Variants in INTS4 observed in about 807,000 individuals in gnomAD.
INTS4 encodes the protein MSTP093.
INTS4 carries 70 observed loss-of-function variants against 119.5 expected under a neutral mutation model. That is an observed-to-expected ratio of 0.59 (90% confidence interval 0.48 to 0.71). INTS4 has a LOEUF of 0.71. Ranked by LOEUF, INTS4 falls within the 30% of genes least tolerant of loss-of-function variation. INTS4 has a pLI of 0.00. For missense variants in INTS4, 867 were observed against 1,173.2 expected (o/e 0.74, Z 3.81); for synonymous variants, 316 against 419.6 (o/e 0.75, Z 3.02).
intron 15 of INTS4, chr11:77,911,058 T>G: frequency 7.8e-7 from 1 of 1,289,000 alleles, no homozygotes; most frequent in Non-Finnish European, 1.0e-6. Context: ...AACCGTCCAC[T>G]GGACTATGAC....
chr11:77,941,458 CTT>C (rs35544689), intron 8 of INTS4, among the ~76,000 whole-genome samples: 2 of 138,446 alleles, frequency 1.4e-5, no homozygotes, highest in Admixed American at 7.3e-5. Flanking sequence ...ACCTACTGTG[CTT>C]TTTTTTTTTT....
At chr11:77,897,345 A>G (rs1952568272) in intron 18 of INTS4, among the ~76,000 whole-genome samples, 1 of 151,444 alleles carries the variant, frequency 6.6e-6, no homozygotes, top group East Asian at 1.9e-4. Flanking sequence ...TTTAAAAATA[A>G]AAAATATTTT....
chr11:77,910,522 A>G (rs993975979), intron 15 of INTS4, among the ~76,000 whole-genome samples: 62 of 152,022 alleles, frequency 4.1e-4, no homozygotes, highest in African/African-American at 1.4e-3. Context: ...CAGCACACCA[A>G]CATGGCACAT....
chr11:77,966,056 C>T (rs764061734), intron 4 of INTS4, among the ~76,000 whole-genome samples: 5 of 152,104 alleles, frequency 3.3e-5, no homozygotes, highest in Non-Finnish European at 7.4e-5. Flanking sequence ...TGCATTTTCC[C>T]GACGCTTAGT....
intron 2 of INTS4, chr11:77,987,828 A>C (rs776325137): frequency 6.3e-6 from 2 of 318,212 alleles, no homozygotes; most frequent in Non-Finnish European, 1.3e-5. Context: ...GGCAGTGATC[A>C]CGCCATTGCA....
chr11:77,941,088 A>C, intron 9 of INTS4, 92 bp downstream of exon 9: 3 of 1,505,378 alleles, frequency 2.0e-6, no homozygotes, highest in Non-Finnish European at 2.7e-6. Flanking sequence ...TAATTTAACA[A>C]ATGCTGCTAA....
At chr11:77,886,876 C>A (rs1046947481) in intron 21 of INTS4, among the ~76,000 whole-genome samples, 2 of 152,080 alleles carry the variant, frequency 1.3e-5, no homozygotes, top group African/African-American at 4.8e-5. Flanking sequence ...TGAAGGCAGA[C>A]ATAAAGATAT....
rs559740557 is a variant in INTS4 at position 77,941,637 on chromosome 11, G to C, written c.919-386C>G. 8.8e-4 allele frequency among the ~76,000 whole-genome samples: 133 copies of C among 151,984 alleles called. No homozygotes were observed. In the Middle Eastern group the frequency reaches 0.01, roughly 12 times the overall value. ...CGCCACCATGCCCGGCTAATTTTTT[G>C]TATTTGTATTTGTAATTGTAATTTT... On this transcript the variant is annotated intron_variant, in intron 8 of 22. Coordinates refer to ENST00000534064, the MANE Select transcript of INTS4 (RefSeq NM_033547.4).
chr11:77,984,209 G>A (rs1355053726), intron 2 of INTS4, among the ~76,000 whole-genome samples: 1 of 152,034 alleles, frequency 6.6e-6, no homozygotes, highest in Non-Finnish European at 1.5e-5. Context: ...AATGTAGAAT[G>A]AGACCGGGCA....
chr11:77,971,180 T>C (rs1855715862), intron 4 of INTS4, among the ~76,000 whole-genome samples: 1 of 152,236 alleles, frequency 6.6e-6, no homozygotes, highest in Admixed American at 6.5e-5. Flanking sequence ...TTATCTTTTT[T>C]CTATATCTAT....
chr11:77,977,733 A>T (rs1403556591), intron 4 of INTS4, among the ~76,000 whole-genome samples: 1 of 151,274 alleles, frequency 6.6e-6, no homozygotes, highest in Non-Finnish European at 1.5e-5. Context: ...TTTAAAGCAG[A>T]TTTAAGAAAC....
At chr11:77,935,360 T>C (rs1360466515) in intron 10 of INTS4, among the ~76,000 whole-genome samples, 1 of 152,112 alleles carries the variant, frequency 6.6e-6, no homozygotes, top group African/African-American at 2.4e-5. Context: ...GTTGAGAAGA[T>C]TGAGCTAGGA....
At chr11:77,922,582 A>G in intron 12 of INTS4, 111 bp from the exon 13 acceptor site, 1 of 679,184 alleles carries the variant, frequency 1.5e-6, no homozygotes, top group Non-Finnish European at 2.5e-6. Flanking sequence ...ATTCTCAACC[A>G]TATACTTTTG....
chr11:77,957,663 CTTTTTTTTTTTT>C (rs1159914263), intron 7 of INTS4, among the ~76,000 whole-genome samples: 2 of 110,706 alleles, frequency 1.8e-5, no homozygotes, highest in Admixed American at 9.9e-5. Flanking sequence ...AACTGAACTT[CTTTTTTTTTTTT>C]TTTTTTTTTG....
intron 4 of INTS4, chr11:77,978,755 A>T (rs1856058832): frequency 8.8e-6 from 2 of 226,068 alleles, no homozygotes; most frequent in Middle Eastern, 1.6e-3. Flanking sequence ...ACTGAATACA[A>T]AGCACCATAA....
rs114291983 is a variant in INTS4, at chr11:77,943,102, T to C, written c.919-1851A>G. 8.2e-3 allele frequency among the ~76,000 whole-genome samples: 1,244 copies of C among 152,280 alleles called. 18 individuals are homozygous for C. The highest frequency in any genetic ancestry group is 0.027 in the African/African-American group (1,139 of 41,550). On this transcript the variant is annotated intron_variant, in intron 8 of 22. Coordinates refer to ENST00000534064, the MANE Select transcript of INTS4 (RefSeq NM_033547.4). ...CACCAGCATTAGCTGTTGGCTTTTT[T>C]CTACTAGAATAAAATTTTCATGACT...
At chr11:77,990,215 CA>C (rs59474739) in intron 2 of INTS4, among the ~76,000 whole-genome samples, 16,293 of 96,092 alleles carry the variant, frequency 0.17, 977 homozygotes, top group East Asian at 0.3. Flanking sequence ...GACCAAGTCT[CA>C]AAAAAAAAAA....
intron 2 of INTS4, among the ~76,000 whole-genome samples, chr11:77,989,872 C>T (rs1856597970): frequency 6.6e-6 from 1 of 152,146 alleles, no homozygotes. Flanking sequence ...GCACTCCCGC[C>T]TGGGCGAGAA....
At chr11:77,976,127 T>A (rs1305498966) in intron 4 of INTS4, among the ~76,000 whole-genome samples, 2 of 152,068 alleles carry the variant, frequency 1.3e-5, no homozygotes, top group Non-Finnish European at 2.9e-5. Flanking sequence ...AGAGATTTTT[T>A]AAAAATGAAG....
Sources: gnomAD v4.1 joint callset for allele counts (sites outside exome capture counted in the v4.1 genomes callset) on GRCh38, gnomAD v4.1.1 for gene constraint, MANE v1.5 for transcripts, NCBI Gene and HGNC (gene_info 2026-07-23, HGNC 2026-07-21) for gene names.